The following PPARG variants were observed in gnomAD, a reference collection of about 807,000 sequenced individuals.
PPARG encodes peroxisome proliferator-activated receptor gamma.
Under a neutral mutation model 39.2 loss-of-function variants are expected in PPARG, and 17 were observed. The observed-to-expected ratio is 0.43, with a 90% confidence interval of 0.30 to 0.65. PPARG has a LOEUF of 0.65. PPARG is among the 30% of genes least tolerant of loss of function. The pLI, the probability that PPARG is intolerant of heterozygous loss-of-function variation, is 0.13. For missense variants in PPARG, 406 were observed against 585.9 expected, an observed-to-expected ratio of 0.69 and a Z score of 3.17; for synonymous variants, 223 against 215.7, an observed-to-expected ratio of 1.03 and a Z score of -0.30.
intron 2 of PPARG, among the ~76,000 whole-genome samples, chr3:12,379,320 T>G (rs946173411): frequency 6.6e-6 from 1 of 152,218 alleles, no homozygotes; most frequent in Admixed American, 6.6e-5. Flanking sequence ...ACCTTAAGTT[T>G]AAAAATTTTT....
chr3:12,333,574 C>A (rs1402915403), intron 2 of PPARG, among the ~76,000 whole-genome samples: 4 of 152,148 alleles, frequency 2.6e-5, no homozygotes, highest in Non-Finnish European at 5.9e-5. Context: ...GAGTGATCCT[C>A]AGCTGTGCCA....
chr3:12,306,835 G>A (rs571306256), intron 1 of PPARG, among the ~76,000 whole-genome samples: 14 of 152,032 alleles, frequency 9.2e-5, no homozygotes, highest in Non-Finnish European at 1.9e-4. Context: ...GGTGGCTCAC[G>A]CCTGTAATCC....
chr3:12,325,250 G>A (rs1246821139), intron 2 of PPARG, among the ~76,000 whole-genome samples: 2 of 151,998 alleles, frequency 1.3e-5, no homozygotes, highest in Non-Finnish European at 1.5e-5. Flanking sequence ...GTAAAACCCC[G>A]TCTCTACTAA....
chr3:12,423,978 G>A (rs535253655), intron 7 of PPARG, among the ~76,000 whole-genome samples: 2 of 152,324 alleles, frequency 1.3e-5, no homozygotes, highest in Admixed American at 6.5e-5. Context: ...AGGCACCTAT[G>A]TTGTTTCTGC....
In PPARG at chr3:12,373,003, A is replaced by T. The variant is rs1400360737; in HGVS notation, c.-8-6701A>T. ...CACAACTCAGTGTCACCAGCTAGGG[A>T]GTTAAGACATGTTCTTGTTACTGAG... On this transcript the variant is annotated intron_variant, in intron 2 of 7. Transcript: ENST00000651735. 2.0e-5 allele frequency among the ~76,000 whole-genome samples: 3 copies of T among 152,174 alleles called. No homozygotes were observed. In the East Asian group the frequency reaches 5.8e-4, roughly 29 times the overall value.
At chr3:12,407,452 C>T (rs891076831) in intron 6 of PPARG, among the ~76,000 whole-genome samples, 3 of 152,148 alleles carry the variant, frequency 2.0e-5, no homozygotes, top group East Asian at 1.9e-4. Flanking sequence ...TGAGCCACCG[C>T]GCCCGGCTTT....
chr3:12,434,093 C>G lies in PPARG; in HGVS notation c.1376C>G (p.Thr459Arg). ...CTGCAGGTGATCAAGAAGACGGAGA[C>G]AGACATGAGTCTTCACCCGCTCCTG... ...QLLQVIKKTETDMSLHPLLQE... is the reference protein window; with the variant it reads ...QLLQVIKKTERDMSLHPLLQE... Residue 459 changes from threonine to arginine, a missense_variant, in exon 8 of 8, where the codon ACA (threonine) becomes AGA (arginine). Thr to Arg is a moderately conservative substitution (Grantham distance 71, BLOSUM62 -1). This residue lies in a region of PPARG where 275 missense variants were observed against 458.0 expected (regional missense o/e 0.60). Transcript: ENST00000651735. The surrounding 1 kb of genome is among the most constrained non-coding windows in gnomAD (Gnocchi z 4.2). 6.2e-7 allele frequency: 1 copy of G among 1,614,184 alleles called. No homozygotes were observed. The highest frequency in any genetic ancestry group is 8.5e-7 in the Non-Finnish European group (1 of 1,180,020).
chr3:12,383,937 A>G (rs919065710), intron 4 of PPARG, among the ~76,000 whole-genome samples: 1 of 152,104 alleles, frequency 6.6e-6, no homozygotes, highest in South Asian at 2.1e-4. Context: ...ACTTAATAAA[A>G]CCTGAAGACT....
intron 2 of PPARG, among the ~76,000 whole-genome samples, chr3:12,373,754 G>A (rs2049306416): frequency 6.6e-6 from 1 of 152,194 alleles, no homozygotes; most frequent in Non-Finnish European, 1.5e-5. Context: ...TAATGGTGGA[G>A]ATAGTTATCC....
At chr3:12,310,921 A>G (rs1253492355) in intron 1 of PPARG, among the ~76,000 whole-genome samples, 2 of 144,988 alleles carry the variant, frequency 1.4e-5, no homozygotes, top group Admixed American at 1.4e-4. Flanking sequence ...TGCTCCTTTC[A>G]TTTCTGGCTA....
intron 7 of PPARG, 51 bp downstream of exon 7, chr3:12,417,205 G>T: frequency 3.2e-6 from 5 of 1,575,028 alleles, no homozygotes; most frequent in Non-Finnish European, 4.3e-6. Context: ...TGATGGTGGG[G>T]TGGCCAAAAG....
chr3:12,369,416 C>T (rs896995186), intron 2 of PPARG, among the ~76,000 whole-genome samples: 18 of 151,960 alleles, frequency 1.2e-4, no homozygotes, highest in African/African-American at 2.9e-4. Flanking sequence ...TTCTCGAGCC[C>T]GGGAGTTTGA....
At chr3:12,399,008 A>G (rs1036906579) in intron 5 of PPARG, among the ~76,000 whole-genome samples, 1 of 152,204 alleles carries the variant, frequency 6.6e-6, no homozygotes, top group African/African-American at 2.4e-5. Flanking sequence ...CAGAAAGGCC[A>G]GAGCCAGTAC....
intron 2 of PPARG, among the ~76,000 whole-genome samples, chr3:12,330,388 C>T (rs1021146334): frequency 3.4e-5 from 5 of 149,036 alleles, no homozygotes; most frequent in Non-Finnish European, 7.4e-5. Flanking sequence ...CTAATGGCTG[C>T]TGATGTTAAG....
chr3:12,303,097 A>G (rs1189970301), intron 1 of PPARG, among the ~76,000 whole-genome samples: 2 of 152,188 alleles, frequency 1.3e-5, no homozygotes, highest in African/African-American at 4.8e-5. Context: ...AGCAATATCC[A>G]CAGTAGGTGT....
chr3:12,419,355 C>A (rs1235486187), intron 7 of PPARG, among the ~76,000 whole-genome samples: 1 of 151,198 alleles, frequency 6.6e-6, no homozygotes, highest in Non-Finnish European at 1.5e-5. Flanking sequence ...ATTAATTCAG[C>A]AAAAAAGGAT....
chr3:12,302,495 AC>A (rs910050772), intron 1 of PPARG, among the ~76,000 whole-genome samples: 2 of 152,206 alleles, frequency 1.3e-5, no homozygotes, highest in African/African-American at 2.4e-5. Context: ...CTTCATAAAT[AC>A]ATTTTAAATT....
intron 2 of PPARG, among the ~76,000 whole-genome samples, chr3:12,368,969 TAG>T (rs1203507702): frequency 6.6e-6 from 1 of 152,196 alleles, no homozygotes; most frequent in African/African-American, 2.4e-5. Flanking sequence ...ATGTAAGAAA[TAG>T]AGTTACTCCC....
At chr3:12,433,815 A>C in intron 7 of PPARG, 83 bp from the exon 8 acceptor site, 15 of 1,591,162 alleles carry the variant, frequency 9.4e-6, no homozygotes, top group Non-Finnish European at 1.3e-5. Flanking sequence ...GTTGCTTGGT[A>C]GAGCTGCCTA....
Sources: allele counts gnomAD v4.1 joint callset (sites outside exome capture counted in the v4.1 genomes callset), GRCh38; gene constraint gnomAD v4.1.1; regional missense constraint gnomAD v4.1.1; non-coding constraint Gnocchi (gnomAD v3.1); transcripts MANE v1.5; gene names NCBI Gene and HGNC (gene_info 2026-07-23, HGNC 2026-07-21).